FCHSD2: variants seen among roughly 807,000 people sequenced by gnomAD.
FCHSD2 encodes the protein F-BAR and double SH3 domains protein 2.
FCHSD2 carries 38 observed loss-of-function variants against 108.1 expected under a neutral mutation model. The ratio of observed to expected loss-of-function variants is 0.35; its 90% CI spans 0.27 to 0.46. The LOEUF (loss-of-function observed/expected upper bound fraction) is 0.46, where lower values mean the gene tolerates loss of function less well. Ranked by LOEUF, FCHSD2 falls within the 20% of genes least tolerant of loss-of-function variation. The probability of loss-of-function intolerance (pLI) is 1.00; values close to 1 mark genes in which losing one functional copy is unlikely to be tolerated. For missense variants in FCHSD2, 751 were observed against 897.8 expected (o/e 0.84, Z 2.09); for synonymous variants, 279 against 314.7 (o/e 0.89, Z 1.20).
chr11:72,983,462 T>C (rs1857254747), intron 8 of FCHSD2, among the ~76,000 whole-genome samples: 1 of 152,014 alleles, frequency 6.6e-6, no homozygotes, highest in Non-Finnish European at 1.5e-5. Flanking sequence ...AGCGAGACCT[T>C]GTCTCTAAAA....
At chr11:73,056,632 C>T (rs74889640) in intron 3 of FCHSD2, among the ~76,000 whole-genome samples, 2,044 of 152,236 alleles carry the variant, frequency 0.013, 48 homozygotes, top group African/African-American at 0.045. Flanking sequence ...TAAACATTCA[C>T]CATGCATTTA....
At chr11:72,877,728 T>C (rs968341985) in intron 12 of FCHSD2, among the ~76,000 whole-genome samples, 2 of 152,216 alleles carry the variant, frequency 1.3e-5, no homozygotes, top group Admixed American at 1.3e-4. Context: ...CAAAGCAGGC[T>C]GGGCATAGTG....
intron 2 of FCHSD2, among the ~76,000 whole-genome samples, chr11:73,084,146 A>G (rs933713937): frequency 6.6e-6 from 1 of 152,352 alleles, no homozygotes; most frequent in Non-Finnish European, 1.5e-5. Context: ...AATAGCTACT[A>G]TATATTAGGC....
intron 2 of FCHSD2, among the ~76,000 whole-genome samples, chr11:73,088,648 T>C (rs1859882021): frequency 6.6e-6 from 1 of 152,130 alleles, no homozygotes; most frequent in African/African-American, 2.4e-5. Flanking sequence ...GTACACACAC[T>C]TTTTTTACAC....
chr11:72,852,031 C>G (rs540389848), intron 13 of FCHSD2, among the ~76,000 whole-genome samples: 3 of 151,808 alleles, frequency 2.0e-5, no homozygotes, highest in African/African-American at 7.3e-5. Context: ...TGTGCACCAC[C>G]ACACCTGGCT....
chr11:72,919,137 A>G (rs552160142), intron 9 of FCHSD2, among the ~76,000 whole-genome samples: 237 of 152,250 alleles, frequency 1.6e-3, no homozygotes, highest in Non-Finnish European at 2.4e-3. Flanking sequence ...AAAAAATCTA[A>G]AAAGTGTCAA....
chr11:73,096,983 A>G (rs1271103452), intron 2 of FCHSD2, among the ~76,000 whole-genome samples: 1 of 28,656 alleles, frequency 3.5e-5, no homozygotes, highest in Non-Finnish European at 5.7e-5. Context: ...TATTTCATTG[A>G]TGGATTTTTT....
intron 3 of FCHSD2, among the ~76,000 whole-genome samples, chr11:73,018,517 CT>C (rs543899306): frequency 0.23 from 32,387 of 138,038 alleles, 4,143 homozygotes; most frequent in Middle Eastern, 0.36. Flanking sequence ...CAGATCTTGT[CT>C]TTTTTTTTTT....
chr11:73,085,581 A>C (rs532762898), intron 2 of FCHSD2, among the ~76,000 whole-genome samples: 10 of 152,134 alleles, frequency 6.6e-5, no homozygotes, highest in Non-Finnish European at 1.0e-4. Flanking sequence ...ACCACATTTA[A>C]GGGAGAAATT....
rs777437660 is a variant in FCHSD2 at position 72,837,547 on chromosome 11, C to G, written c.*1244G>C. Reference sequence around the variant, plus strand: ...GCTCCCTACCTTCTACAGGAGCGGACAGCAGACAGTCAGCACCTGACGTGG... The same window carrying G: ...GCTCCCTACCTTCTACAGGAGCGGAGAGCAGACAGTCAGCACCTGACGTGG... On this transcript the variant is annotated 3_prime_UTR_variant, in exon 20 of 20. Coordinates refer to ENST00000409418, the MANE Select transcript of FCHSD2 (RefSeq NM_014824.3). The G allele has an allele frequency of 6.6e-6, 1 of 152,008 alleles. No homozygotes were observed. Among genetic ancestry groups the G allele is most frequent in the Non-Finnish European group, 1.5e-5 (1 of 67,974 alleles). 9.4% of individuals were successfully genotyped at this position (152,008 alleles called of 1,614,324 possible).
At chr11:73,122,669 G>A (rs1860762300) in intron 2 of FCHSD2, among the ~76,000 whole-genome samples, 1 of 152,152 alleles carries the variant, frequency 6.6e-6, no homozygotes, top group South Asian at 2.1e-4. Flanking sequence ...TCCAATGAAG[G>A]CATGGCAAGA....
At chr11:73,097,615 CTT>C (rs200159157) in intron 2 of FCHSD2, among the ~76,000 whole-genome samples, 88 of 95,268 alleles carry the variant, frequency 9.2e-4, no homozygotes, top group African/African-American at 3.2e-3. Context: ...GTGAGGTGTT[CTT>C]TTTTTTTTTT....
chr11:73,083,381 T>C (rs1286586066), intron 3 of FCHSD2, among the ~76,000 whole-genome samples: 2 of 151,866 alleles, frequency 1.3e-5, no homozygotes, highest in African/African-American at 4.8e-5. Context: ...AAACCCTGTC[T>C]CTACTAAAAA....
chr11:72,996,815 C>A (rs558167408), intron 5 of FCHSD2, among the ~76,000 whole-genome samples: 52 of 152,226 alleles, frequency 3.4e-4, no homozygotes, highest in African/African-American at 1.2e-3. Flanking sequence ...GCATTAAAGA[C>A]CACCACCACA....
intron 3 of FCHSD2, among the ~76,000 whole-genome samples, chr11:73,068,813 TAAAAAAAAAAAA>T (rs1237723120): frequency 1.2e-5 from 1 of 83,048 alleles, no homozygotes; most frequent in Non-Finnish European, 2.2e-5. Flanking sequence ...CTACAAAAAG[TAAAAAAAAAAAA>T]AAAAAAAGAA....
intron 2 of FCHSD2, among the ~76,000 whole-genome samples, chr11:73,139,239 G>A (rs1054934453): frequency 2.0e-5 from 3 of 152,128 alleles, no homozygotes; most frequent in African/African-American, 7.2e-5. Flanking sequence ...TGTACCACCA[G>A]AAAACTAGGT....
intron 5 of FCHSD2, among the ~76,000 whole-genome samples, chr11:72,991,368 C>A: frequency 6.6e-6 from 1 of 152,146 alleles, no homozygotes. Flanking sequence ...TTTATGAGGC[C>A]AGCATCATCC....
At chr11:73,005,101 GT>G (rs1565364396) in intron 4 of FCHSD2, among the ~76,000 whole-genome samples, 1 of 152,154 alleles carries the variant, frequency 6.6e-6, no homozygotes. Context: ...TACAATGTCA[GT>G]TTTTCCATCT....
chr11:73,040,654 A>G (rs1229108290), intron 3 of FCHSD2, among the ~76,000 whole-genome samples: 1 of 152,232 alleles, frequency 6.6e-6, no homozygotes, highest in East Asian at 1.9e-4. Context: ...TGATACACAT[A>G]TTCAATATGT....
Sources: allele counts gnomAD v4.1 joint callset (sites outside exome capture counted in the v4.1 genomes callset), GRCh38; gene constraint gnomAD v4.1.1; transcripts MANE v1.5; gene names NCBI Gene and HGNC (gene_info 2026-07-23, HGNC 2026-07-21).